The following ZNF275 variants were observed in gnomAD, a reference collection of about 807,000 sequenced individuals.
ZNF275 encodes zinc finger protein 275.
In ZNF275, 4 loss-of-function variants were observed where a neutral mutation model predicts 4.3. The observed-to-expected ratio is 0.93, with a 90% confidence interval of 0.46 to 2.13. ZNF275 has a LOEUF of 2.13. Among genes scored for constraint, ZNF275 ranks in the 30% most tolerant of loss-of-function variants. The probability of loss-of-function intolerance (pLI) is 0.02; values close to 1 mark genes in which losing one functional copy is unlikely to be tolerated. For missense variants in ZNF275, 352 were observed against 397.1 expected, an observed-to-expected ratio of 0.89 and a Z score of 0.97; for synonymous variants, 173 against 166.9, an observed-to-expected ratio of 1.04 and a Z score of -0.28.
chrX:153,347,938 C>G lies in ZNF275; in HGVS notation c.1253C>G (p.Ser418Trp). 8.7e-7 allele frequency: 1 copy of G among 1,147,739 alleles called. No individual in the cohort carries two copies. The highest frequency in any genetic ancestry group is 1.2e-6 in the Non-Finnish European group (1 of 861,605). The allele number at this position is 1,147,739 out of a possible 1,213,427, so 94.6% of individuals were successfully genotyped here. A position where few individuals can be genotyped will look rare whatever the true frequency, so the allele number is the denominator to read the frequency against. The change falls in exon 4 of 4, where the codon TCG (serine) becomes TGG (tryptophan). Residue 418 changes from serine to tryptophan, a missense_variant. Transcript: ENST00000650114. Reference protein sequence around the residue: ...SQCGRVFKRRSALQKHQPTHH... With the variant: ...SQCGRVFKRRWALQKHQPTHH... The stretch of plus-strand genomic sequence containing the variant: ...TGTGGCCGCGTGTTCAAGAGGCGCT[C>G]GGCACTGCAGAAGCATCAGCCAACC...
rs782026605 is a variant in ZNF275 at position 153,347,724 on chromosome X, C to T, written c.1039C>T (p.Arg347Trp). The T allele has an allele frequency of 7.5e-6, 9 of 1,207,135 alleles. No homozygotes were observed. In the African/African-American group the frequency reaches 1.2e-4, roughly 16 times the overall value. ...LEHARIHSGERPYACGECGKA... is the reference protein window; with the variant it reads ...LEHARIHSGEWPYACGECGKA... Reference sequence around the variant, plus strand: ...GCACGCACGCATCCACAGTGGCGAGCGGCCCTACGCATGCGGCGAGTGTGG... The same window carrying T: ...GCACGCACGCATCCACAGTGGCGAGTGGCCCTACGCATGCGGCGAGTGTGG... Residue 347 changes from arginine (R) to tryptophan (W), a missense_variant, in exon 4 of 4, where the codon CGG becomes TGG. Physicochemically the swap from Arg to Trp is moderately radical, Grantham distance 101 (BLOSUM62 -3). Transcript: ENST00000650114.
chrX:153,344,369 A>G (rs1046018770), intron 2 of ZNF275: 18 of 257,282 alleles, frequency 7.0e-5, no homozygotes, highest in Non-Finnish European at 1.1e-4. Flanking sequence ...GGAGGCTGCC[A>G]AGGATTGGAT....
At chrX:153,345,872 G>A (rs4511009) in intron 3 of ZNF275, among the ~76,000 whole-genome samples, 1 of 107,100 alleles carries the variant, frequency 9.3e-6, no homozygotes, top group Admixed American at 9.9e-5. Context: ...GAGCTCTTGG[G>A]GTTGAGGTTA....
At position 153,347,213 on chromosome X, in the gene ZNF275, G is replaced by A; in HGVS notation, c.528G>A (p.Arg176=). ...NAAEKREQME[R]EAKPFECEEC... ...CGGAGAAGAGGGAGCAGATGGAGAG[G>A]GAGGCAAAGCCCTTCGAGTGCGAGG... Residue 176 remains arginine, a synonymous_variant, in exon 4 of 4, where the codon AGG becomes AGA. Transcript: ENST00000650114. 8.3e-7 allele frequency: 1 copy of A among 1,210,509 alleles called. No individual in the cohort carries two copies.
chrX:153,342,376 C>T (rs1344743489), intron 2 of ZNF275, among the ~76,000 whole-genome samples: 1 of 112,001 alleles, frequency 8.9e-6, no homozygotes, highest in African/African-American at 3.3e-5. Context: ...TGAGTCATCA[C>T]TGGTCATTTC....
At position 153,345,525 on chromosome X, in the gene ZNF275, C is replaced by T. The variant is rs782366999; in HGVS notation, c.37C>T (p.Pro13Ser). The T allele has an allele frequency of 8.3e-7, 1 of 1,207,135 alleles. No individual in the cohort carries two copies. Among genetic ancestry groups the T allele is most frequent in the African/African-American group, 1.7e-5 (1 of 57,427 alleles). ...SHPCVSLLGV[P>S]VLNPALVPHL... ...ATCTCCTTTCCCATGAGCAGGCGTT[C>T]CTGTTTTAAATCCTGCCTTGGTCCC... The change falls in exon 3 of 4, where the codon CCT (proline) becomes TCT (serine). Residue 13 changes from proline (P) to serine (S), a missense_variant. Physicochemically the swap from Pro to Ser is moderately conservative, Grantham distance 74. Transcript: ENST00000650114.
intron 2 of ZNF275, among the ~76,000 whole-genome samples, chrX:153,339,611 G>C (rs1041520370): frequency 9.0e-6 from 1 of 111,380 alleles, no homozygotes; most frequent in African/African-American, 3.3e-5. Flanking sequence ...TTGGGAGGTT[G>C]AGGCTGCAGT....
rs868943077 is a variant in ZNF275 at position 153,347,920 on chromosome X, G to A, written c.1235G>A (p.Arg412His). The A allele has an allele frequency of 1.3e-5, 15 of 1,167,859 alleles. No individual in the cohort carries two copies. Among genetic ancestry groups the A allele is most frequent in the East Asian group, 3.1e-5 (1 of 31,857 alleles). ...ARRCECSQCG[R>H]VFKRRSALQK... ...CGCTGCGAATGCAGCCAGTGTGGCCGCGTGTTCAAGAGGCGCTCGGCACTG... is the reference window on the plus strand; with the variant it reads ...CGCTGCGAATGCAGCCAGTGTGGCCACGTGTTCAAGAGGCGCTCGGCACTG... The change falls in exon 4 of 4, where the codon CGC (arginine) becomes CAC (histidine). Residue 412 changes from arginine (R) to histidine (H), a missense_variant. Physicochemically the swap from Arg to His is conservative, Grantham distance 29. Transcript: ENST00000650114.
At chrX:153,339,346 G>A (rs1239522892) in intron 2 of ZNF275, among the ~76,000 whole-genome samples, 1 of 111,273 alleles carries the variant, frequency 9.0e-6, no homozygotes, top group Non-Finnish European at 1.9e-5. Flanking sequence ...GGACTAGAGA[G>A]TGAAGGCATT....
rs782362195 is a variant in ZNF275, at chrX:153,347,714, C to T, written c.1029C>T (p.His343=). ...GCCTCCTGGAGCACGCACGCATCCACAGTGGCGAGCGGCCCTACGCATGCG... is the reference window on the plus strand; with the variant it reads ...GCCTCCTGGAGCACGCACGCATCCATAGTGGCGAGCGGCCCTACGCATGCG... ...SSSLLEHARI[H]SGERPYACGE... The change falls in exon 4 of 4, where the codon CAC becomes CAT. Residue 343 remains histidine, a synonymous_variant. Transcript: ENST00000650114. 2 of 1,209,725 alleles carry T rather than the reference C, an allele frequency of 1.7e-6. No homozygotes were observed. Among genetic ancestry groups the T allele is most frequent in the South Asian group, 1.8e-5 (1 of 56,597 alleles).
chrX:153,338,968 T>C (rs916652748), intron 2 of ZNF275, among the ~76,000 whole-genome samples: 14 of 111,154 alleles, frequency 1.3e-4, no homozygotes, highest in Non-Finnish European at 1.7e-4. Context: ...TTAAGCAAGT[T>C]TACCTCTTGG....
Position 153,335,956 on chromosome X carries a change from A to G in ZNF275, c.-46-678A>G, listed in dbSNP as rs1406428353. Reference sequence around the variant, plus strand: ...TGGCCCTGGGCTCTTTGCAATTTGCATAGCATCCCACCCCACCCCCAATTT... The same window carrying G: ...TGGCCCTGGGCTCTTTGCAATTTGCGTAGCATCCCACCCCACCCCCAATTT... On this transcript the variant is annotated intron_variant, in intron 1 of 3. Transcript: ENST00000650114. Among the ~76,000 whole-genome samples, 3 of 111,625 alleles carry G rather than the reference A, an allele frequency of 2.7e-5. No individual in the cohort carries two copies. The East Asian group carries it at 8.5e-4, about 32-fold the overall frequency.
chrX:153,338,381 G>A (rs966915212), intron 2 of ZNF275, among the ~76,000 whole-genome samples: 1 of 110,783 alleles, frequency 9.0e-6, no homozygotes, highest in African/African-American at 3.3e-5. Flanking sequence ...CCTTTTAAAT[G>A]ATCTCCGTGT....
rs782812244 is a variant in ZNF275, at chrX:153,347,017, G to A, written c.332G>A (p.Arg111Gln). Reference sequence around the variant, plus strand: ...TGTAAAGAGTGTGGGGACACCTTTCGGCTTAAAGTCCTGCTTGTCCAGCAC... The same window carrying A: ...TGTAAAGAGTGTGGGGACACCTTTCAGCTTAAAGTCCTGCTTGTCCAGCAC... ...FACKECGDTF[R>Q]LKVLLVQHQR... Residue 111 changes from arginine to glutamine, a missense_variant, in exon 4 of 4, where the codon CGG becomes CAG. By Grantham distance (43) the Arg-to-Gln change is conservative (BLOSUM62 1). Transcript: ENST00000650114. The A allele has an allele frequency of 2.5e-6, 3 of 1,211,441 alleles. No individual in the cohort carries two copies. Among genetic ancestry groups the A allele is most frequent in the Non-Finnish European group, 3.4e-6 (3 of 895,394 alleles).
At chrX:153,343,420 G>C (rs1556961186) in intron 2 of ZNF275, 1 of 354,808 alleles carries the variant, frequency 2.8e-6, no homozygotes, top group Admixed American at 2.7e-5. Context: ...GCCGGTGGTT[G>C]AATCTTTCAC....
At chrX:153,343,245 A>G (rs1320567487) in intron 2 of ZNF275, among the ~76,000 whole-genome samples, 1 of 112,645 alleles carries the variant, frequency 8.9e-6, no homozygotes, top group Non-Finnish European at 1.9e-5. Flanking sequence ...TTAATTTTAT[A>G]TAAGAGTCTT....
chrX:153,341,764 G>A (rs1556961073), intron 2 of ZNF275, among the ~76,000 whole-genome samples: 2 of 112,420 alleles, frequency 1.8e-5, no homozygotes, highest in African/African-American at 6.5e-5. Flanking sequence ...AAAATGTCAT[G>A]CACTGGTTTT....
chrX:153,335,891 G>A (rs1243793863), intron 1 of ZNF275, among the ~76,000 whole-genome samples: 3 of 111,537 alleles, frequency 2.7e-5, no homozygotes, highest in African/African-American at 9.8e-5. Flanking sequence ...TTCTCACCCA[G>A]TGATCCAGCC....
rs1556961668 is a variant in ZNF275 at position 153,347,065 on chromosome X, A to G, written c.380A>G (p.Lys127Arg). 1.7e-6 allele frequency: 2 copies of G among 1,211,642 alleles called. No individual in the cohort carries two copies. The highest frequency in any genetic ancestry group is 2.2e-6 in the Non-Finnish European group (2 of 895,428). Residue 127 changes from lysine (K) to arginine (R), a missense_variant, in exon 4 of 4, where the codon AAG becomes AGG. Lys to Arg is a conservative substitution (Grantham distance 26). Transcript: ENST00000650114. Reference protein sequence around the residue: ...VQHQRVHSEEKGWECGDCGKV... With the variant: ...VQHQRVHSEERGWECGDCGKV... ...CACCAGAGAGTCCACAGTGAGGAGA[A>G]GGGCTGGGAATGTGGCGACTGCGGG...
Sources: gnomAD v4.1 joint callset for allele counts (sites outside exome capture counted in the v4.1 genomes callset) on GRCh38, gnomAD v4.1.1 for gene constraint, MANE v1.5 for transcripts, NCBI Gene and HGNC (gene_info 2026-07-23, HGNC 2026-07-21) for gene names.